KIAA1217: variants seen among roughly 807,000 people sequenced by gnomAD.
The protein encoded by KIAA1217 is KIAA1217.
Under a neutral mutation model 163.9 loss-of-function variants are expected in KIAA1217, and 88 were observed. The observed-to-expected ratio is 0.54, with a 90% CI of 0.45 to 0.64. The LOEUF (loss-of-function observed/expected upper bound fraction) is 0.64, where lower values mean the gene tolerates loss of function less well. KIAA1217 is among the 30% of genes least tolerant of loss of function. The pLI is 0.00. For synonymous variants in KIAA1217, 903 were observed against 923.1 expected, an observed-to-expected ratio of 0.98 and a Z score of 0.39; for missense variants, 2,372 against 2,475.0, an observed-to-expected ratio of 0.96 and a Z score of 0.88.
intron 2 of KIAA1217, among the ~76,000 whole-genome samples, chr10:24,178,001 A>G (rs1283948791): frequency 1.3e-5 from 2 of 152,226 alleles, no homozygotes; most frequent in Admixed American, 1.3e-4. Flanking sequence ...ATCAAATATA[A>G]ATTCCTGTAG....
chr10:24,528,199 C>T, intron 14 of KIAA1217, 80 bp downstream of exon 14: 2 of 1,129,234 alleles, frequency 1.8e-6, no homozygotes, highest in Non-Finnish European at 2.5e-6. Context: ...ACAGCACATA[C>T]TCATCAACAG....
chr10:23,860,489 A>G (rs1332844914), intron 1 of KIAA1217, among the ~76,000 whole-genome samples: 1 of 152,196 alleles, frequency 6.6e-6, no homozygotes. Flanking sequence ...ATACATTGTA[A>G]TGAAATGTTT....
rs1040883298 is a variant in KIAA1217, at chr10:24,436,640, C to T, written c.753-1746C>T. Among the ~76,000 whole-genome samples the T allele has an allele frequency of 2.6e-5, 4 of 151,438 alleles. No individual in the cohort carries two copies. In the East Asian group the frequency reaches 7.8e-4, roughly 30 times the overall value. On this transcript the variant is annotated intron_variant, in intron 4 of 20. Transcript: ENST00000376454. ...GGGCGTGGTGGCGGGCACCTGTAGT[C>T]CCAGCTGCTGGGGAGGCTAAGGCAG...
intron 2 of KIAA1217, among the ~76,000 whole-genome samples, chr10:24,111,947 G>T (rs1317828006): frequency 6.6e-6 from 1 of 151,984 alleles, no homozygotes; most frequent in African/African-American, 2.4e-5. Flanking sequence ...TGTTTTTGTT[G>T]TTGTTGTTGT....
intron 2 of KIAA1217, among the ~76,000 whole-genome samples, chr10:24,303,419 C>T (rs533774474): frequency 1.1e-4 from 17 of 152,194 alleles, no homozygotes; most frequent in African/African-American, 3.1e-4. Context: ...TCCTGGACAA[C>T]GTAGGGACAA....
intron 1 of KIAA1217, among the ~76,000 whole-genome samples, chr10:23,871,900 C>T (rs1432514923): frequency 5.3e-5 from 8 of 152,066 alleles, no homozygotes; most frequent in Non-Finnish European, 1.5e-5. Context: ...TAGAGTGTCA[C>T]CCACATGCCA....
At chr10:23,730,137 G>A (rs906977989) in intron 1 of KIAA1217, among the ~76,000 whole-genome samples, 9 of 152,084 alleles carry the variant, frequency 5.9e-5, no homozygotes, top group East Asian at 1.9e-4. Flanking sequence ...TCCTGACCTC[G>A]TGATCTGCCC....
At chr10:23,895,736 C>G (rs1274494598) in intron 1 of KIAA1217, among the ~76,000 whole-genome samples, 1 of 151,886 alleles carries the variant, frequency 6.6e-6, no homozygotes, top group Non-Finnish European at 1.5e-5. Context: ...AGACTTGGAA[C>G]CAACCCAAAT....
intron 2 of KIAA1217, among the ~76,000 whole-genome samples, chr10:24,282,200 T>C (rs1415311631): frequency 2.6e-5 from 1 of 38,600 alleles, no homozygotes; most frequent in Non-Finnish European, 5.1e-5. Flanking sequence ...ACCTCACCTC[T>C]ACAAAATTTT....
intron 1 of KIAA1217, among the ~76,000 whole-genome samples, chr10:23,708,061 A>G (rs997233093): frequency 7.9e-5 from 12 of 152,222 alleles, no homozygotes; most frequent in Admixed American, 3.3e-4. Context: ...TTACAGTTCA[A>G]TGTGGCTGGG....
intron 2 of KIAA1217, among the ~76,000 whole-genome samples, chr10:24,335,083 A>G (rs2046172895): frequency 6.6e-6 from 1 of 152,210 alleles, no homozygotes; most frequent in Admixed American, 6.5e-5. Flanking sequence ...TATCTAAACA[A>G]TGATACTAAT....
chr10:24,450,860 A>G (rs1191167540), intron 5 of KIAA1217, among the ~76,000 whole-genome samples: 1 of 152,222 alleles, frequency 6.6e-6, no homozygotes, highest in East Asian at 1.9e-4. Flanking sequence ...TGGACAGCAC[A>G]GCCTCAATAG....
intron 2 of KIAA1217, among the ~76,000 whole-genome samples, chr10:24,316,519 T>C (rs141306481): frequency 1.2e-3 from 185 of 152,328 alleles, no homozygotes; most frequent in Non-Finnish European, 1.6e-3. Context: ...TAGAGTGGAC[T>C]TGTTCCCCAG....
At chr10:23,968,316 A>G (rs16924155) in intron 1 of KIAA1217, among the ~76,000 whole-genome samples, 2,516 of 152,332 alleles carry the variant, frequency 0.017, 77 homozygotes, top group African/African-American at 0.056. Context: ...CTGTTTAACA[A>G]TGAATGAAGT....
At chr10:24,066,538 G>C (rs1050876337) in intron 2 of KIAA1217, among the ~76,000 whole-genome samples, 2 of 152,128 alleles carry the variant, frequency 1.3e-5, no homozygotes, top group Non-Finnish European at 2.9e-5. Flanking sequence ...GTTTCCCTTT[G>C]TGGGTGACCT....
intron 1 of KIAA1217, among the ~76,000 whole-genome samples, chr10:23,807,144 C>T (rs1836781346): frequency 6.6e-6 from 1 of 152,356 alleles, no homozygotes; most frequent in South Asian, 2.1e-4. Flanking sequence ...GTATGAAGCT[C>T]AGCGATTCAT....
intron 2 of KIAA1217, among the ~76,000 whole-genome samples, chr10:24,063,733 G>C (rs1397925839): frequency 4.6e-5 from 7 of 152,156 alleles, no homozygotes; most frequent in Admixed American, 2.6e-4. Context: ...ACCTTGGGTA[G>C]TATGGCCATT....
chr10:24,270,461 C>T (rs1281701233), intron 2 of KIAA1217, among the ~76,000 whole-genome samples: 2 of 152,224 alleles, frequency 1.3e-5, no homozygotes, highest in Non-Finnish European at 2.9e-5. Context: ...TGAATGCATC[C>T]ATCTTTCTTA....
chr10:23,741,529 A>G (rs890693920), intron 1 of KIAA1217, among the ~76,000 whole-genome samples: 1 of 152,204 alleles, frequency 6.6e-6, no homozygotes, highest in Admixed American at 6.5e-5. Flanking sequence ...AAGAAAGCAC[A>G]TTCAGGTCCT....
Sources: allele counts gnomAD v4.1 joint callset (sites outside exome capture counted in the v4.1 genomes callset), GRCh38; gene constraint gnomAD v4.1.1; transcripts MANE v1.5; gene names NCBI Gene and HGNC (gene_info 2026-07-23, HGNC 2026-07-21).